CFAP299: variants seen among roughly 807,000 people sequenced by gnomAD.
The protein encoded by CFAP299 is cilia and flagella associated protein 299, also known as cilia- and flagella-associated protein 299.
In CFAP299, 21 loss-of-function variants were observed where a neutral mutation model predicts 27.0. The ratio of observed to expected loss-of-function variants is 0.78; its 90% CI spans 0.55 to 1.12. The LOEUF (loss-of-function observed/expected upper bound fraction) is 1.12, where lower values mean the gene tolerates loss of function less well. Ranked by LOEUF, CFAP299 falls within the 50% of genes most tolerant of loss-of-function variation. The pLI, the probability that CFAP299 is intolerant of heterozygous loss-of-function variation, is 0.00. For synonymous variants in CFAP299, 104 were observed against 98.1 expected (o/e 1.06, Z -0.36); for missense variants, 310 against 276.6 (o/e 1.12, Z -0.86).
At chr4:80,468,310 G>A (rs998677885) in intron 2 of CFAP299, among the ~76,000 whole-genome samples, 1 of 150,568 alleles carries the variant, frequency 6.6e-6, no homozygotes, top group Non-Finnish European at 1.5e-5. Context: ...TGCAACCTCT[G>A]CCTCCTGGGT....
intron 3 of CFAP299, among the ~76,000 whole-genome samples, chr4:80,743,487 A>G (rs1168844411): frequency 6.6e-6 from 1 of 152,200 alleles, no homozygotes; most frequent in Non-Finnish European, 1.5e-5. Context: ...ATAAATGACT[A>G]TAAATATAAA....
chr4:80,386,767 G>A (rs1422538049), intron 2 of CFAP299: 21 of 1,373,440 alleles, frequency 1.5e-5, no homozygotes, highest in Non-Finnish European at 2.1e-5. Flanking sequence ...TGTCCGGCCG[G>A]TTGAACAACT....
At chr4:80,872,174 A>C (rs1468519128) in intron 4 of CFAP299, 1 of 152,096 alleles carries the variant, frequency 6.6e-6, no homozygotes, top group Non-Finnish European at 1.5e-5. Context: ...TTTTCTAAGT[A>C]AGAAATTTTA....
intron 3 of CFAP299, among the ~76,000 whole-genome samples, chr4:80,598,082 G>C (rs1015027452): frequency 2.0e-5 from 3 of 152,204 alleles, no homozygotes; most frequent in Admixed American, 2.0e-4. Flanking sequence ...TAAAAATCTG[G>C]ATTTCAAATT....
chr4:80,522,717 A>G (rs1022893013), intron 2 of CFAP299, among the ~76,000 whole-genome samples: 2 of 152,092 alleles, frequency 1.3e-5, no homozygotes, highest in African/African-American at 2.4e-5. Context: ...TTGCATGTGA[A>G]TGTCCAGTTT....
At chr4:80,544,371 T>TA (rs1466258994) in intron 2 of CFAP299, among the ~76,000 whole-genome samples, 5 of 152,194 alleles carry the variant, frequency 3.3e-5, no homozygotes, top group African/African-American at 9.7e-5. Flanking sequence ...TATAGCTCTT[T>TA]ACATTTGGAA....
chr4:80,819,342 T>A (rs945126955), intron 3 of CFAP299, among the ~76,000 whole-genome samples: 1 of 152,130 alleles, frequency 6.6e-6, no homozygotes, highest in Non-Finnish European at 1.5e-5. Flanking sequence ...GCAGATGACC[T>A]AGGGCTTCTG....
intron 3 of CFAP299, among the ~76,000 whole-genome samples, chr4:80,669,160 T>C (rs1382328830): frequency 8.3e-6 from 1 of 120,894 alleles, no homozygotes; most frequent in East Asian, 2.4e-4. Context: ...TTTTTTTTTT[T>C]TTTTTTTTTT....
intron 3 of CFAP299, among the ~76,000 whole-genome samples, chr4:80,811,136 T>A (rs1729132750): frequency 6.6e-6 from 1 of 152,128 alleles, no homozygotes; most frequent in Admixed American, 6.6e-5. Context: ...TTAATTTAAA[T>A]CACAACAACC....
chr4:80,777,066 A>C (rs1428005846), intron 3 of CFAP299, among the ~76,000 whole-genome samples: 1 of 151,940 alleles, frequency 6.6e-6, no homozygotes. Flanking sequence ...AAATTTGATT[A>C]TTTATTGCTT....
chr4:80,633,832 C>T (rs981732794), intron 3 of CFAP299, among the ~76,000 whole-genome samples: 1 of 152,152 alleles, frequency 6.6e-6, no homozygotes, highest in East Asian at 1.9e-4. Flanking sequence ...AGCAGTTTTT[C>T]CTGAAAATAG....
intron 3 of CFAP299, among the ~76,000 whole-genome samples, chr4:80,754,363 G>A (rs1343940333): frequency 6.6e-6 from 1 of 152,068 alleles, no homozygotes; most frequent in Non-Finnish European, 1.5e-5. Flanking sequence ...CCGAGAGTAA[G>A]ACCACTGTTC....
chr4:80,404,323 T>C (rs1726309446), intron 2 of CFAP299, among the ~76,000 whole-genome samples: 1 of 152,160 alleles, frequency 6.6e-6, no homozygotes, highest in South Asian at 2.1e-4. Context: ...CCATTTTTAG[T>C]GCAGAGTTCA....
rs549535123 is a variant in CFAP299 at position 80,922,640 on chromosome 4, A to G, written c.477-22170A>G. On this transcript the variant is annotated intron_variant, in intron 4 of 5. Coordinates refer to ENST00000358105, the MANE Select transcript of CFAP299 (RefSeq NM_152770.3). ...TTATCTACATGATATACATGTTACA[A>G]TAAAGGGTTTTCTATTTCCCCTAAT... Among the ~76,000 whole-genome samples, 304 of 152,042 alleles carry G rather than the reference A, an allele frequency of 2.0e-3. 2 individuals are homozygous for G. Among genetic ancestry groups the G allele is most frequent in the African/African-American group, 6.8e-3 (281 of 41,534 alleles).
intron 2 of CFAP299, among the ~76,000 whole-genome samples, chr4:80,545,186 G>A (rs1734167595): frequency 6.6e-6 from 1 of 152,036 alleles, no homozygotes; most frequent in African/African-American, 2.4e-5. Context: ...GAATCTTTGG[G>A]ACACAGCTAA....
At chr4:80,528,759 A>G (rs1733316301) in intron 2 of CFAP299, among the ~76,000 whole-genome samples, 1 of 152,062 alleles carries the variant, frequency 6.6e-6, no homozygotes, top group Admixed American at 6.6e-5. Context: ...AAATCATGTT[A>G]TTCTCTCCAG....
intron 2 of CFAP299, among the ~76,000 whole-genome samples, chr4:80,454,508 C>CA (rs1459606759): frequency 6.6e-6 from 1 of 152,114 alleles, no homozygotes; most frequent in Non-Finnish European, 1.5e-5. Flanking sequence ...AGCTCACCCC[C>CA]AAAAAATCCC....
At chr4:80,488,129 T>C (rs1730918620) in intron 2 of CFAP299, among the ~76,000 whole-genome samples, 1 of 152,198 alleles carries the variant, frequency 6.6e-6, no homozygotes, top group Admixed American at 6.5e-5. Flanking sequence ...GGTATACAAA[T>C]TAATCTGTGA....
At chr4:80,824,080 A>G (rs1053360145) in intron 3 of CFAP299, among the ~76,000 whole-genome samples, 7 of 152,166 alleles carry the variant, frequency 4.6e-5, no homozygotes, top group Non-Finnish European at 8.8e-5. Flanking sequence ...AATGCAAAAT[A>G]TAGGTACTAA....
Sources: gnomAD v4.1 joint callset for allele counts (sites outside exome capture counted in the v4.1 genomes callset) on GRCh38, gnomAD v4.1.1 for gene constraint, MANE v1.5 for transcripts, NCBI Gene and HGNC (gene_info 2026-07-23, HGNC 2026-07-21) for gene names.